The following PKHD1L1 variants were observed in gnomAD, a reference collection of about 807,000 sequenced individuals.
PKHD1L1 encodes fibrocystin-L.
A neutral mutation model predicts 462.9 loss-of-function variants in PKHD1L1; 434 were observed. The observed-to-expected ratio is 0.94, with a 90% CI of 0.87 to 1.02. The LOEUF (loss-of-function observed/expected upper bound fraction) is 1.02, where lower values mean the gene tolerates loss of function less well. Among genes scored for constraint, PKHD1L1 ranks in the 50% least tolerant of loss-of-function variants. The probability of loss-of-function intolerance (pLI) is 0.00; values close to 1 mark genes in which losing one functional copy is unlikely to be tolerated. For missense variants in PKHD1L1, 5,202 were observed against 5,096.1 expected (o/e 1.02, Z -0.63); for synonymous variants, 1,781 against 1,750.0 (o/e 1.02, Z -0.44).
chr8:109,454,858 G>C lies in PKHD1L1; in HGVS notation c.6874+6G>C. The C allele has an allele frequency of 1.2e-6, 2 of 1,610,426 alleles. No individual in the cohort carries two copies. Among genetic ancestry groups the C allele is most frequent in the Admixed American group, 1.7e-5 (1 of 59,336 alleles). On this transcript the variant is annotated splice_donor_region_variant and intron_variant, in intron 45 of 77. Coordinates refer to ENST00000378402, the MANE Select transcript of PKHD1L1 (RefSeq NM_177531.6). Reference sequence around the variant, plus strand: ...GGGAATCCTGGATCTGCACGGTACTGTGGCCAAGTGGCTAAGGGAGTTGGT... The same window carrying C: ...GGGAATCCTGGATCTGCACGGTACTCTGGCCAAGTGGCTAAGGGAGTTGGT...
At position 109,406,367 on chromosome 8, in the gene PKHD1L1, C is replaced by T; in HGVS notation, c.1702C>T (p.Leu568=). The change falls in exon 17 of 78, where the codon CTG becomes TTG. Residue 568 remains leucine, a synonymous_variant. Transcript: ENST00000378402. ...FLPADASEFI[L]QSALNDLWSI... is the part of the protein sequence containing the mutation. ...ACCTGCTGATGCTTCTGAATTCATA[C>T]TGCAATCAGCCTTGAATGACCTCTG... is the stretch of plus-strand genomic sequence containing the variant. 6.4e-7 allele frequency: 1 copy of T among 1,556,130 alleles called. No homozygotes were observed.
At chr8:109,468,465 G>T (rs754385617) in intron 50 of PKHD1L1, among the ~76,000 whole-genome samples, 1 of 152,118 alleles carries the variant, frequency 6.6e-6, no homozygotes, top group African/African-American at 2.4e-5. Flanking sequence ...TTCTGATGCC[G>T]TAAGACTCAT....
Position 109,489,862 on chromosome 8 carries a change from A to G in PKHD1L1, c.9881-90A>G, listed in dbSNP as rs555747589. Reference sequence around the variant, plus strand: ...AGCAAAGAATAATGATTTTTTCATGAAAAATTTGAACAACTTTGTGTAGCT... The same window carrying G: ...AGCAAAGAATAATGATTTTTTCATGGAAAATTTGAACAACTTTGTGTAGCT... On this transcript the variant is annotated intron_variant, in intron 59 of 77. Coordinates refer to ENST00000378402, the MANE Select transcript of PKHD1L1 (RefSeq NM_177531.6). 94 of 802,720 alleles carry G rather than the reference A, an allele frequency of 1.2e-4. 1 individual carries two copies. The South Asian group carries it at 1.4e-3, about 12-fold the overall frequency. The allele number at this position is 802,720 out of a possible 1,614,324, so 49.7% of individuals were successfully genotyped here. A position where few individuals can be genotyped will look rare whatever the true frequency, so the allele number is the denominator to read the frequency against.
In PKHD1L1 at chr8:109,530,064, TG is replaced by T. The variant is rs1358490951; in HGVS notation, c.12722-15del. The T allele has an allele frequency of 7.5e-7, 1 of 1,334,560 alleles. No individual in the cohort carries two copies. Among genetic ancestry groups the T allele is most frequent in the East Asian group, 2.9e-5 (1 of 33,946 alleles). The allele number at this position is 1,334,560 out of a possible 1,614,324, so 82.7% of individuals were successfully genotyped here. A position where few individuals can be genotyped will look rare whatever the true frequency, so the allele number is the denominator to read the frequency against. On this transcript the variant is annotated splice_polypyrimidine_tract_variant and intron_variant, in intron 77 of 77. Transcript: ENST00000378402. ...TTTCTACTTAAAAATTGTTTTGTAT[TG>T]TTTCCATTTTTCAGGAAGCTACTAA...
At position 109,479,614 on chromosome 8, in the gene PKHD1L1, A is replaced by AGG; in HGVS notation, c.9156_9157dup (p.Ala3053GlyfsTer4). The AGG allele has an allele frequency of 6.6e-7, 1 of 1,523,900 alleles. No individual in the cohort carries two copies. The allele number at this position is 1,523,900 out of a possible 1,614,324, so 94.4% of individuals were successfully genotyped here. ...AAAATAATTATACTGTACCTCACCC[A>AGG]GGGGCAAATGTGATTATACCTGAAG... On this transcript the variant is annotated frameshift_variant, in exon 54 of 78. Transcript: ENST00000378402. LOFTEE classifies it high-confidence loss of function.
intron 61 of PKHD1L1, 51 bp from the exon 62 acceptor site, chr8:109,491,822 T>C: frequency 6.7e-7 from 1 of 1,482,842 alleles, no homozygotes; most frequent in Non-Finnish European, 9.2e-7. Context: ...TCGTTGCAAA[T>C]TGACTTATGT....
At chr8:109,392,629 C>T (rs1039009792) in intron 9 of PKHD1L1, among the ~76,000 whole-genome samples, 5 of 151,612 alleles carry the variant, frequency 3.3e-5, no homozygotes, top group Non-Finnish European at 5.9e-5. Context: ...ATTTAAAATC[C>T]TAGTTTTAAG....
In PKHD1L1 at chr8:109,429,384, T is replaced by C; in HGVS notation, c.3045T>C (p.Val1015=). The C allele has an allele frequency of 6.4e-7, 1 of 1,570,746 alleles. No homozygotes were observed. The highest frequency in any genetic ancestry group is 8.7e-7 in the Non-Finnish European group (1 of 1,147,578). Residue 1015 remains valine, a synonymous_variant, in exon 26 of 78, where the codon GTT becomes GTC. Coordinates refer to ENST00000378402, the MANE Select transcript of PKHD1L1 (RefSeq NM_177531.6). ...TTGGAGAAAAGGCTAATATGACAGT[T>C]ACAAGGATAAAGGAAGGTGGCTTAT... ...NIIGEKANMT[V]TRIKEGGLFR...
chr8:109,475,025 C>A, intron 50 of PKHD1L1, 93 bp from the exon 51 acceptor site: 1 of 1,235,280 alleles, frequency 8.1e-7, no homozygotes. Flanking sequence ...CTAAACCAAC[C>A]AAACTAAACT....
intron 19 of PKHD1L1, 116 bp from the exon 20 acceptor site, chr8:109,412,149 A>C: frequency 1.1e-6 from 1 of 949,450 alleles, no homozygotes; most frequent in South Asian, 2.0e-5. Context: ...CTAAAGTTAA[A>C]GTAATCAGGG....
intron 40 of PKHD1L1, among the ~76,000 whole-genome samples, chr8:109,450,178 A>T (rs1816404266): frequency 6.6e-6 from 1 of 152,208 alleles, no homozygotes; most frequent in South Asian, 2.1e-4. Flanking sequence ...TGGGGATATT[A>T]TTAACTCTAA....
chr8:109,420,739 A>G, intron 23 of PKHD1L1, 49 bp downstream of exon 23: 1 of 1,341,790 alleles, frequency 7.5e-7, no homozygotes, highest in Non-Finnish European at 1.0e-6. Flanking sequence ...TTTTATTTTT[A>G]ATTTTTTTAA....
At chr8:109,376,990 C>T (rs901923926) in intron 2 of PKHD1L1, among the ~76,000 whole-genome samples, 3 of 152,180 alleles carry the variant, frequency 2.0e-5, no homozygotes, top group Admixed American at 6.5e-5. Context: ...ATCTGATGAA[C>T]ATCAGGCACA....
chr8:109,520,917 C>T (rs1367132306), intron 73 of PKHD1L1, among the ~76,000 whole-genome samples: 1 of 152,132 alleles, frequency 6.6e-6, no homozygotes, highest in Non-Finnish European at 1.5e-5. Context: ...AGACCTGCCA[C>T]TCCATGCCAA....
intron 50 of PKHD1L1, among the ~76,000 whole-genome samples, chr8:109,473,526 A>G (rs1167315400): frequency 3.3e-5 from 5 of 151,186 alleles, no homozygotes; most frequent in East Asian, 1.9e-4. Context: ...AAGAAAAAAA[A>G]AAAAGAAAAG....
chr8:109,409,821 C>T (rs367687114), intron 18 of PKHD1L1, 44 bp from the exon 19 acceptor site: 2 of 1,176,168 alleles, frequency 1.7e-6, no homozygotes, highest in Non-Finnish European at 2.4e-6. Context: ...AGTGTTCTAA[C>T]TTTTCATGAA....
chr8:109,469,626 C>A (rs931943934), intron 50 of PKHD1L1, among the ~76,000 whole-genome samples: 11 of 152,256 alleles, frequency 7.2e-5, no homozygotes, highest in African/African-American at 2.4e-4. Flanking sequence ...TAAGTTATTA[C>A]ATTTAATTTT....
rs1268500775 is a variant in PKHD1L1 at position 109,445,498 on chromosome 8, C to G, written c.5629C>G (p.Pro1877Ala). 2 of 1,613,564 alleles carry G rather than the reference C, an allele frequency of 1.2e-6. No individual in the cohort carries two copies. Among genetic ancestry groups the G allele is most frequent in the South Asian group, 1.1e-5 (1 of 91,044 alleles). ...ACCTTGTCAAATTATTTCCATCAACCCCAATGAAGTCTACTGCCGCACTCC... is the reference window on the plus strand; with the variant it reads ...ACCTTGTCAAATTATTTCCATCAACGCCAATGAAGTCTACTGCCGCACTCC... ...DEPCQIISIN[P>A]NEVYCRTPAG... The change falls in exon 38 of 78, where the codon CCC becomes GCC. Residue 1877 changes from proline to alanine, a missense_variant. Physicochemically the swap from Pro to Ala is conservative, Grantham distance 27. This residue lies in a region of PKHD1L1 where 4,497 missense variants were observed against 4,336.8 expected (regional missense o/e 1.04). Transcript: ENST00000378402.
chr8:109,478,741 G>T (rs1818123780), intron 53 of PKHD1L1, among the ~76,000 whole-genome samples: 1 of 152,056 alleles, frequency 6.6e-6, no homozygotes, highest in Admixed American at 6.6e-5. Context: ...AACAGATTTA[G>T]ATTGCTCTAG....
Sources: gnomAD v4.1 joint callset for allele counts (sites outside exome capture counted in the v4.1 genomes callset) on GRCh38, gnomAD v4.1.1 for gene constraint, gnomAD v4.1.1 regional missense constraint, MANE v1.5 for transcripts, NCBI Gene and HGNC (gene_info 2026-07-23, HGNC 2026-07-21) for gene names.